The following PLSCR5 variants were observed in gnomAD, a reference collection of about 807,000 sequenced individuals.
PLSCR5 encodes the protein phospholipid scramblase family member 5.
Under a neutral mutation model 33.6 loss-of-function variants are expected in PLSCR5, and 44 were observed. The observed-to-expected ratio is 1.31, with a 90% CI of 1.03 to 1.69. The LOEUF is 1.69. PLSCR5 is among the 40% of genes most tolerant of loss of function. The pLI is 0.00. For missense variants in PLSCR5, 375 were observed against 318.7 expected (o/e 1.18, Z -1.34); for synonymous variants, 148 against 112.3 (o/e 1.32, Z -2.01).
At chr3:146,580,164 T>C (rs17354168) in intron 7 of PLSCR5, among the ~76,000 whole-genome samples, 39,602 of 152,110 alleles carry the variant, frequency 0.26, 5,170 homozygotes, top group African/African-American at 0.27. Context: ...TTTGAACCTG[T>C]TCTTATGAGT....
At chr3:146,603,437 T>A (rs1219607434) in intron 1 of PLSCR5, among the ~76,000 whole-genome samples, 2 of 152,120 alleles carry the variant, frequency 1.3e-5, no homozygotes, top group African/African-American at 4.8e-5. Context: ...GTTTTATCCT[T>A]CCATGCATTA....
At position 146,592,324 on chromosome 3, in the gene PLSCR5, G is replaced by A. The variant is rs181679842; in HGVS notation, c.454-443C>T. 5.9e-5 allele frequency among the ~76,000 whole-genome samples: 9 copies of A among 151,994 alleles called. No individual in the cohort carries two copies. In the East Asian group the frequency reaches 1.7e-3, roughly 29 times the overall value. On this transcript the variant is annotated intron_variant, in intron 4 of 7. Transcript: ENST00000443512. Reference sequence around the variant, plus strand: ...TTGAGTATTCATATTTTTTCTCTAAGATTATAAGCTCCAAGATTATCTATA... The same window carrying A: ...TTGAGTATTCATATTTTTTCTCTAAAATTATAAGCTCCAAGATTATCTATA...
chr3:146,591,971 C>G, intron 4 of PLSCR5, 90 bp from the exon 5 acceptor site: 2 of 1,093,504 alleles, frequency 1.8e-6, no homozygotes, highest in Non-Finnish European at 2.6e-6. Context: ...AAACAATATA[C>G]TGTTATAAAA....
At chr3:146,580,591 A>G (rs568131041) in intron 7 of PLSCR5, among the ~76,000 whole-genome samples, 1 of 149,192 alleles carries the variant, frequency 6.7e-6, no homozygotes, top group East Asian at 2.0e-4. Flanking sequence ...CAGCCTCCCG[A>G]GTAGCTGGGA....
At position 146,586,127 on chromosome 3, in the gene PLSCR5, A is replaced by G; in HGVS notation, c.778-15T>C. ...AACATAAAATCCTACAAATAAGTAA[A>G]CTGAATATAAGTGAATTTACAAAAA... On this transcript the variant is annotated splice_polypyrimidine_tract_variant and intron_variant, in intron 6 of 7. Coordinates refer to ENST00000443512, the MANE Select transcript of PLSCR5 (RefSeq NM_001085420.2). The G allele has an allele frequency of 6.8e-7, 1 of 1,471,982 alleles. No individual in the cohort carries two copies. Among genetic ancestry groups the G allele is most frequent in the African/African-American group, 1.4e-5 (1 of 69,004 alleles). The allele number at this position is 1,471,982 out of a possible 1,614,324, so 91.2% of individuals were successfully genotyped here.
chr3:146,591,052 C>T (rs1374900779), intron 5 of PLSCR5, among the ~76,000 whole-genome samples: 1 of 146,166 alleles, frequency 6.8e-6, no homozygotes, highest in Non-Finnish European at 1.5e-5. Context: ...AGAAACACAG[C>T]TTTTGAGTTA....
chr3:146,581,534 A>G (rs901802809), downstream of PLSCR5, among the ~76,000 whole-genome samples: 1 of 152,232 alleles, frequency 6.6e-6, no homozygotes, highest in African/African-American at 2.4e-5. Context: ...ATTGAATATA[A>G]TATCCCCAGT....
intron 1 of PLSCR5, among the ~76,000 whole-genome samples, chr3:146,602,799 A>G (rs181169916): frequency 6.6e-6 from 1 of 152,202 alleles, no homozygotes; most frequent in East Asian, 1.9e-4. Flanking sequence ...GTAGCTGTAC[A>G]TTCCCGCCCA....
intron 5 of PLSCR5, 81 bp from the exon 6 acceptor site, chr3:146,589,895 G>C: frequency 1.2e-6 from 1 of 858,240 alleles, no homozygotes; most frequent in East Asian, 2.7e-5. Flanking sequence ...TACTTCATGA[G>C]AGATTTGAAT....
chr3:146,586,681 T>C (rs1360707129), intron 6 of PLSCR5, among the ~76,000 whole-genome samples: 1 of 151,892 alleles, frequency 6.6e-6, no homozygotes, highest in African/African-American at 2.4e-5. Context: ...GAGTGGTGAG[T>C]CGGAGGAGTG....
At chr3:146,593,722 C>T (rs1351851984) in intron 4 of PLSCR5, among the ~76,000 whole-genome samples, 198 bp downstream of exon 4, 1 of 152,096 alleles carries the variant, frequency 6.6e-6, no homozygotes, top group African/African-American at 2.4e-5. Context: ...ATGAAAGCCA[C>T]CATAGTTTTT....
chr3:146,600,628 C>T lies in PLSCR5; in HGVS notation c.14-165G>A, dbSNP rs556284962. ...CTACTCACTGCCATTATTACTTGTC[C>T]CCTAAGTTAGAAAAAACGAAACGCA... is the stretch of plus-strand genomic sequence containing the variant. On this transcript the variant is annotated intron_variant, in intron 1 of 7. Transcript: ENST00000443512. Among the ~76,000 whole-genome samples the T allele has an allele frequency of 6.9e-4, 105 of 151,912 alleles. 1 individual carries two copies. The highest frequency in any genetic ancestry group is 1.3e-3 in the Non-Finnish European group (86 of 67,966).
intron 6 of PLSCR5, among the ~76,000 whole-genome samples, chr3:146,587,484 G>A (rs1314942163): frequency 3.3e-5 from 5 of 152,062 alleles, no homozygotes; most frequent in African/African-American, 7.2e-5. Flanking sequence ...AAATATTAAC[G>A]TTAAGTGTGG....
At chr3:146,604,321 T>A (rs958818069) in intron 1 of PLSCR5, among the ~76,000 whole-genome samples, 6 of 152,122 alleles carry the variant, frequency 3.9e-5, no homozygotes, top group African/African-American at 1.4e-4. Flanking sequence ...ACATCTCTTG[T>A]CTTTTTAGAC....
rs1202036213 is a variant in PLSCR5, at chr3:146,594,005, A to G, written c.368T>C (p.Ile123Thr). 1 of 1,613,746 alleles carries G rather than the reference A, an allele frequency of 6.2e-7. No homozygotes were observed. The highest frequency in any genetic ancestry group is 1.3e-5 in the African/African-American group (1 of 74,930). ...CSTLRSCTLRITDNSGREVIT... is the reference protein window; with the variant it reads ...CSTLRSCTLRTTDNSGREVIT... ...GACCTCTCGACCTGAGTTATCTGTG[A>G]TCCTCAGGGTGCAAGATCGCAGAGT... The change falls in exon 4 of 8, where the codon ATC becomes ACC. Residue 123 changes from isoleucine to threonine, a missense_variant. By Grantham distance (89) the Ile-to-Thr change is moderately conservative (BLOSUM62 -1). Transcript: ENST00000443512.
rs868293167 is a variant in PLSCR5 at position 146,603,167 on chromosome 3, G to T, written c.13+2033C>A. Among the ~76,000 whole-genome samples the T allele has an allele frequency of 2.6e-5, 4 of 152,226 alleles. No individual in the cohort carries two copies. The South Asian group carries it at 8.3e-4, about 32-fold the overall frequency. ...GTCTTTTGGTTTAGTAGTGCTGATT[G>T]ATCTGCCTATGAAATATGTGAAATG... On this transcript the variant is annotated intron_variant, in intron 1 of 7. Coordinates refer to ENST00000443512, the MANE Select transcript of PLSCR5 (RefSeq NM_001085420.2).
chr3:146,586,234 T>G (rs143781153), intron 6 of PLSCR5, 122 bp from the exon 7 acceptor site: 1 of 991,308 alleles, frequency 1.0e-6, no homozygotes, highest in Admixed American at 4.4e-5. Flanking sequence ...TCCAGTATTA[T>G]GATTTAACAG....
Position 146,593,996 on chromosome 3 carries a change from T to A in PLSCR5, c.377A>T (p.Asn126Ile). 1.2e-5 allele frequency: 20 copies of A among 1,613,796 alleles called. No individual in the cohort carries two copies. Among genetic ancestry groups the A allele is most frequent in the Non-Finnish European group, 1.7e-5 (20 of 1,179,790 alleles). ...CACTGTAATGACCTCTCGACCTGAG[T>A]TATCTGTGATCCTCAGGGTGCAAGA... ...LRSCTLRITD[N>I]SGREVITVNR... is the part of the protein sequence containing the mutation. The change falls in exon 4 of 8, where the codon AAC becomes ATC. Residue 126 changes from asparagine (N) to isoleucine (I), a missense_variant. Asn to Ile is a moderately radical substitution (Grantham distance 149, BLOSUM62 -3). Coordinates refer to ENST00000443512, the MANE Select transcript of PLSCR5 (RefSeq NM_001085420.2).
chr3:146,589,880 G>T (rs1236003192), intron 5 of PLSCR5, 66 bp from the exon 6 acceptor site: 5 of 1,038,578 alleles, frequency 4.8e-6, no homozygotes, highest in Non-Finnish European at 6.7e-6. Flanking sequence ...ACTTCTGAGG[G>T]TGTTTACTTC....
Sources: gnomAD v4.1 joint callset for allele counts (sites outside exome capture counted in the v4.1 genomes callset) on GRCh38, gnomAD v4.1.1 for gene constraint, MANE v1.5 for transcripts, NCBI Gene and HGNC (gene_info 2026-07-23, HGNC 2026-07-21) for gene names.